Variants in EPB41L1 observed in about 807,000 individuals in gnomAD.
EPB41L1 encodes band 4.1-like protein 1.
In EPB41L1, 29 loss-of-function variants were observed where a neutral mutation model predicts 97.8. That is an observed-to-expected ratio of 0.30 (90% CI 0.22 to 0.40). The LOEUF is 0.40. EPB41L1 is among the 10% of genes least tolerant of loss of function. The pLI, the probability that EPB41L1 is intolerant of heterozygous loss-of-function variation, is 1.00. For synonymous variants in EPB41L1, 383 were observed against 459.2 expected (o/e 0.83, Z 2.12); for missense variants, 812 against 1,162.3 (o/e 0.70, Z 4.38).
chr20:36,171,460 T>TG (rs2145846872), intron 1 of EPB41L1, among the ~76,000 whole-genome samples: 1 of 152,174 alleles, frequency 6.6e-6, no homozygotes, highest in Non-Finnish European at 1.5e-5. Context: ...GAGGAGGTGA[T>TG]GGGGACCCAG....
chr20:36,153,155 T>C (rs560984842), upstream of EPB41L1: 1 of 454,408 alleles, frequency 2.2e-6, no homozygotes, highest in South Asian at 1.6e-5. Flanking sequence ...GACGCAATTG[T>C]ATCTTGAGTT....
chr20:36,130,531 G>A lies in EPB41L1; in HGVS notation c.-10+18051G>A, dbSNP rs541967885. ...CCCTTTTCCTGCTCATGGATATTCC[G>A]GCTGTTTCTAGTTTTTGCTATTATG... On this transcript the variant is annotated intron_variant, in intron 2 of 19. Coordinates refer to the EPB41L1 transcript ENST00000202028. Among the ~76,000 whole-genome samples the A allele has an allele frequency of 3.9e-5, 6 of 152,100 alleles. No homozygotes were observed. The South Asian group carries it at 6.2e-4, about 16-fold the overall frequency.
intron 2 of EPB41L1, among the ~76,000 whole-genome samples, chr20:36,131,932 C>T (rs78599539): frequency 1.3e-4 from 20 of 152,120 alleles, no homozygotes; most frequent in Admixed American, 6.5e-5. Flanking sequence ...CTCCCAGAGC[C>T]GTCACCTTCT....
chr20:36,185,270 C>T lies in EPB41L1; in HGVS notation c.720C>T (p.Leu240=). ...EEHVGNYVSE[L]RFAPNQTREL... Reference sequence around the variant, plus strand: ...ATGTGGGCAACTATGTCAGCGAGCTCCGCTTCGCCCCTAACCAGACCCGGG... The same window carrying T: ...ATGTGGGCAACTATGTCAGCGAGCTTCGCTTCGCCCCTAACCAGACCCGGG... Residue 240 remains leucine (L), a synonymous_variant, in exon 7 of 22, where the codon CTC becomes CTT. Transcript: ENST00000338074. 6.2e-7 allele frequency: 1 copy of T among 1,613,848 alleles called. No individual in the cohort carries two copies. The highest frequency in any genetic ancestry group is 8.5e-7 in the Non-Finnish European group (1 of 1,180,036).
rs551311937 is a variant in EPB41L1, at chr20:36,195,158, T to G, written c.1450-171T>G. ...AGCACCCTGCTTCACACCTGTACCTTCTTCTGACTACCTCACTGCCCTGCT... is the reference window on the plus strand; with the variant it reads ...AGCACCCTGCTTCACACCTGTACCTGCTTCTGACTACCTCACTGCCCTGCT... On this transcript the variant is annotated intron_variant, in intron 12 of 21. Coordinates refer to ENST00000338074, the MANE Select transcript of EPB41L1 (RefSeq NM_012156.2). The surrounding 1 kb of genome is among the most constrained non-coding windows in gnomAD (Gnocchi z 4.6). Among the ~76,000 whole-genome samples the G allele has an allele frequency of 3.9e-4, 59 of 152,286 alleles. No individual in the cohort carries two copies. The highest frequency in any genetic ancestry group is 1.3e-3 in the African/African-American group (52 of 41,570).
intron 14 of EPB41L1, among the ~76,000 whole-genome samples, chr20:36,202,680 G>T (rs2062561353): frequency 6.6e-6 from 1 of 151,934 alleles, no homozygotes; most frequent in Admixed American, 6.5e-5. Context: ...GGGCGTGGTG[G>T]CGCGTGCCTG....
Position 36,194,222 on chromosome 20 carries a change from C to T in EPB41L1, c.1311C>T (p.Ser437=). 1 of 1,613,820 alleles carries T rather than the reference C, an allele frequency of 6.2e-7. No individual in the cohort carries two copies. The highest frequency in any genetic ancestry group is 1.3e-5 in the African/African-American group (1 of 75,040). ...MSRSLDGAEF[S]RPASVSENHD... ...CTCCACCCACTTCAGCAGAGTTCTCCCGCCCAGCCTCGGTCAGCGAGAACC... is the reference window on the plus strand; with the variant it reads ...CTCCACCCACTTCAGCAGAGTTCTCTCGCCCAGCCTCGGTCAGCGAGAACC... Residue 437 remains serine (S), a synonymous_variant, in exon 12 of 22, where the codon TCC becomes TCT. Coordinates refer to ENST00000338074, the MANE Select transcript of EPB41L1 (RefSeq NM_012156.2).
Position 36,194,237 on chromosome 20 carries a change from C to G in EPB41L1, c.1326C>G (p.Val442=), listed in dbSNP as rs2062085182. The G allele has an allele frequency of 1.2e-6, 2 of 1,613,966 alleles. No individual in the cohort carries two copies. The highest frequency in any genetic ancestry group is 2.2e-5 in the South Asian group (2 of 91,062). The change falls in exon 12 of 22, where the codon GTC becomes GTG. Residue 442 remains valine, a synonymous_variant. Coordinates refer to ENST00000338074, the MANE Select transcript of EPB41L1 (RefSeq NM_012156.2). The part of the protein sequence containing the change: ...DGAEFSRPAS[V]SENHDAGPDG... ...CAGAGTTCTCCCGCCCAGCCTCGGT[C>G]AGCGAGAACCATGATGCAGGGCCTG... is the stretch of plus-strand genomic sequence containing the variant.
chr20:36,141,143 C>T (rs2059623339), intron 2 of EPB41L1, among the ~76,000 whole-genome samples: 1 of 152,124 alleles, frequency 6.6e-6, no homozygotes, highest in Non-Finnish European at 1.5e-5. Context: ...TTCCATTTAC[C>T]TCCTTATCTG....
At chr20:36,100,397 G>A (rs751743595) in intron 1 of EPB41L1, among the ~76,000 whole-genome samples, 19 of 152,240 alleles carry the variant, frequency 1.2e-4, no homozygotes, top group Non-Finnish European at 2.5e-4. Flanking sequence ...CAGGTGGGTG[G>A]TTTTGGGTTT....
chr20:36,154,652 C>T, upstream of EPB41L1: 1 of 972,580 alleles, frequency 1.0e-6, no homozygotes, highest in Non-Finnish European at 1.2e-6. This position sits in a 1 kb window ranked among gnomAD's most constrained non-coding sequence, Gnocchi z 5.5. Flanking sequence ...CGGGGGCTGG[C>T]CGCGCGTCGG....
At chr20:36,100,373 C>G (rs2057973750) in intron 1 of EPB41L1, among the ~76,000 whole-genome samples, 1 of 152,188 alleles carries the variant, frequency 6.6e-6, no homozygotes, top group Non-Finnish European at 1.5e-5. Context: ...AAGATAGAGT[C>G]TCCAGGCCCA....
chr20:36,126,674 G>A (rs1465793254), intron 2 of EPB41L1, among the ~76,000 whole-genome samples: 1 of 152,196 alleles, frequency 6.6e-6, no homozygotes, highest in East Asian at 1.9e-4. Flanking sequence ...CCAGTGGAAT[G>A]TTTTGTGTAT....
intron 15 of EPB41L1, among the ~76,000 whole-genome samples, chr20:36,210,638 C>T (rs1273959918): frequency 2.0e-5 from 3 of 152,120 alleles, no homozygotes; most frequent in Non-Finnish European, 2.9e-5. Context: ...CTTTCGGTGC[C>T]TTACAAACCT....
At chr20:36,223,735 G>C (rs2063928202) in intron 21 of EPB41L1, among the ~76,000 whole-genome samples, 2 of 152,136 alleles carry the variant, frequency 1.3e-5, no homozygotes, top group South Asian at 4.2e-4. Context: ...TATTCACAAG[G>C]AAGAGGGAAG....
chr20:36,092,045 T>A lies in EPB41L1; in HGVS notation c.-65+433T>A, dbSNP rs1347198942. Among the ~76,000 whole-genome samples the A allele has an allele frequency of 1.3e-5, 2 of 152,118 alleles. No individual in the cohort carries two copies. The highest frequency in any genetic ancestry group is 2.9e-5 in the Non-Finnish European group (2 of 68,004). ...GATCCCAGAGCCAGGGACTCAGCCC[T>A]TGGAGAGTCCCCAGAGAGTCCAGAG... is the stretch of plus-strand genomic sequence containing the variant. On this transcript the variant is annotated intron_variant, in intron 1 of 19. Transcript: ENST00000202028. The surrounding 1 kb of genome is among the most constrained non-coding windows in gnomAD (Gnocchi z 7.0).
chr20:36,227,312 T>TA (rs2064220091), intron 21 of EPB41L1, among the ~76,000 whole-genome samples: 1 of 151,778 alleles, frequency 6.6e-6, no homozygotes, highest in African/African-American at 2.4e-5. Context: ...CAAGACCCTG[T>TA]AAAAAACAAA....
At chr20:36,129,567 G>T (rs1012167847) in intron 2 of EPB41L1, among the ~76,000 whole-genome samples, 2 of 151,978 alleles carry the variant, frequency 1.3e-5, no homozygotes, top group African/African-American at 4.8e-5. Context: ...CAGGCTCACT[G>T]CTCCCGAAGC....
Position 36,188,423 on chromosome 20 carries a change from A to G in EPB41L1, c.950A>G (p.Asn317Ser), listed in dbSNP as rs376772230. ...LLIYRDRLRI[N>S]RFAWPKILKI... is the part of the protein sequence containing the mutation. ...ATCTACCGGGACCGGCTGAGAATCAACCGCTTTGCCTGGCCCAAGATCCTC... is the reference window on the plus strand; with the variant it reads ...ATCTACCGGGACCGGCTGAGAATCAGCCGCTTTGCCTGGCCCAAGATCCTC... Residue 317 changes from asparagine to serine, a missense_variant, in exon 9 of 22, where the codon AAC becomes AGC. Physicochemically the swap from Asn to Ser is conservative, Grantham distance 46. Transcript: ENST00000338074. 1 of 1,613,982 alleles carries G rather than the reference A, an allele frequency of 6.2e-7. No homozygotes were observed. The highest frequency in any genetic ancestry group is 1.7e-5 in the Admixed American group (1 of 60,008).
Sources: allele counts gnomAD v4.1 joint callset (sites outside exome capture counted in the v4.1 genomes callset), GRCh38; gene constraint gnomAD v4.1.1; non-coding constraint Gnocchi (gnomAD v3.1); transcripts MANE v1.5; gene names NCBI Gene and HGNC (gene_info 2026-07-23, HGNC 2026-07-21).